Variants in GTSE1 observed in about 807,000 individuals in gnomAD.
The protein encoded by GTSE1 is G2 and S-phase expressed 1, also known as G2 and S phase-expressed protein 1.
In GTSE1, 52 loss-of-function variants were observed where a neutral mutation model predicts 60.5. The ratio of observed to expected loss-of-function variants is 0.86; its 90% confidence interval spans 0.69 to 1.08. GTSE1 has a LOEUF of 1.08. Among genes scored for constraint, GTSE1 ranks in the 50% least tolerant of loss-of-function variants. GTSE1 has a pLI of 0.00. For synonymous variants in GTSE1, 368 were observed against 386.5 expected (o/e 0.95, Z 0.56); for missense variants, 937 against 961.8 (o/e 0.97, Z 0.34).
chr22:46,313,404 G>A lies in GTSE1; in HGVS notation c.928-486G>A, dbSNP rs540777833. Reference sequence around the variant, plus strand: ...GCTCCCTAATGTGGTCCTCATGCAGGGGTTTGAAGACTACACTTTGAGAAG... The same window carrying A: ...GCTCCCTAATGTGGTCCTCATGCAGAGGTTTGAAGACTACACTTTGAGAAG... On this transcript the variant is annotated intron_variant, in intron 5 of 11. Transcript: ENST00000454366. This position sits in a 1 kb window ranked among gnomAD's most constrained non-coding sequence, Gnocchi z 4.4. 2.6e-5 allele frequency among the ~76,000 whole-genome samples: 4 copies of A among 152,210 alleles called. No individual in the cohort carries two copies. In the South Asian group the frequency reaches 8.3e-4, roughly 32 times the overall value.
At chr22:46,306,458 G>A (rs972473500) in intron 2 of GTSE1, among the ~76,000 whole-genome samples, 5 of 151,894 alleles carry the variant, frequency 3.3e-5, no homozygotes, top group African/African-American at 1.2e-4. Flanking sequence ...TGGGATTACA[G>A]GCGTGAGCCA....
intron 5 of GTSE1, 28 bp downstream of exon 5, chr22:46,312,333 G>T: frequency 6.3e-7 from 1 of 1,590,524 alleles, no homozygotes; most frequent in Non-Finnish European, 8.6e-7. Flanking sequence ...GCCCAAACTT[G>T]TGGTTGCTGG....
Position 46,318,721 on chromosome 22 carries a change from G to A in GTSE1, c.1432+2309G>A, listed in dbSNP as rs545494423. 6.6e-6 allele frequency among the ~76,000 whole-genome samples: 1 copy of A among 152,266 alleles called. No individual in the cohort carries two copies. Among genetic ancestry groups the A allele is most frequent in the East Asian group, 1.9e-4 (1 of 5,180 alleles). On this transcript the variant is annotated intron_variant, in intron 7 of 11. Coordinates refer to ENST00000454366, the MANE Select transcript of GTSE1 (RefSeq NM_016426.7). This position sits in a 1 kb window ranked among gnomAD's most constrained non-coding sequence, Gnocchi z 4.8. ...GAGGTCCTGGGGCAGGAAGGCGTGG[G>A]ACGTGCTCTGGGAGCAGCATGGGGG...
chr22:46,305,906 CA>C (rs1008141054), intron 2 of GTSE1, among the ~76,000 whole-genome samples: 16 of 145,952 alleles, frequency 1.1e-4, no homozygotes, highest in East Asian at 2.0e-4. Context: ...GACTCCATCT[CA>C]AAAAAAAAAG....
Position 46,313,795 on chromosome 22 carries a change from C to T in GTSE1, c.928-95C>T, listed in dbSNP as rs964838446. ...GTGCTGGGATTACAGGCGTGAGCCACCGTGCCCAGCCAAAAACCCCTTACT... is the reference window on the plus strand; with the variant it reads ...GTGCTGGGATTACAGGCGTGAGCCATCGTGCCCAGCCAAAAACCCCTTACT... On this transcript the variant is annotated intron_variant, in intron 5 of 11. Coordinates refer to ENST00000454366, the MANE Select transcript of GTSE1 (RefSeq NM_016426.7). The surrounding 1 kb of genome is among the most constrained non-coding windows in gnomAD (Gnocchi z 4.4). 42 of 1,413,786 alleles carry T rather than the reference C, an allele frequency of 3.0e-5. No individual in the cohort carries two copies. The African/African-American group carries it at 5.2e-4, about 18-fold the overall frequency. 87.6% of individuals were successfully genotyped at this position (1,413,786 alleles called of 1,614,324 possible). A position where few individuals can be genotyped will look rare whatever the true frequency, so the allele number is the denominator to read the frequency against.
rs1057388111 is a variant in GTSE1, at chr22:46,319,056, T to C, written c.1432+2644T>C. On this transcript the variant is annotated intron_variant, in intron 7 of 11. Transcript: ENST00000454366. This position sits in a 1 kb window ranked among gnomAD's most constrained non-coding sequence, Gnocchi z 5.0. ...GCACAGGATGCTAGGACACGTTGTC[T>C]TTATTCCGCACACAGCTGAAATTTC... Among the ~76,000 whole-genome samples the C allele has an allele frequency of 6.6e-6, 1 of 152,200 alleles. No individual in the cohort carries two copies. Among genetic ancestry groups the C allele is most frequent in the African/African-American group, 2.4e-5 (1 of 41,454 alleles).
chr22:46,298,340 C>T (rs535879925), intron 2 of GTSE1, among the ~76,000 whole-genome samples: 2 of 152,118 alleles, frequency 1.3e-5, no homozygotes, highest in South Asian at 4.2e-4. Context: ...CCAAGTCTCA[C>T]TCTGTCTCCC....
intron 2 of GTSE1, among the ~76,000 whole-genome samples, chr22:46,300,189 C>T (rs1601897647): frequency 6.6e-6 from 1 of 150,524 alleles, no homozygotes; most frequent in Non-Finnish European, 1.5e-5. Context: ...CCTCCGTCTC[C>T]TGGGTTCAAG....
chr22:46,312,832 G>C (rs903151372), intron 5 of GTSE1, among the ~76,000 whole-genome samples: 9 of 152,186 alleles, frequency 5.9e-5, no homozygotes, highest in African/African-American at 2.2e-4. Context: ...TTTCCCTCAT[G>C]TAGAGTTCTT....
Position 46,308,649 on chromosome 22 carries a change from A to C in GTSE1, c.468A>C (p.Lys156Asn). ...TTGAGAAAGAAAAGGAAATGAAGAA[A>C]AGCCCCACGTCTCTTAAAAGGGAGA... ...NLFEKEKEMK[K>N]SPTSLKRETY... Residue 156 changes from lysine to asparagine, a missense_variant, in exon 4 of 12, where the codon AAA becomes AAC. By Grantham distance (94) the Lys-to-Asn change is moderately conservative. Coordinates refer to ENST00000454366, the MANE Select transcript of GTSE1 (RefSeq NM_016426.7). 6.2e-7 allele frequency: 1 copy of C among 1,613,944 alleles called. No individual in the cohort carries two copies. The highest frequency in any genetic ancestry group is 8.5e-7 in the Non-Finnish European group (1 of 1,179,974).
chr22:46,330,219 C>T lies in GTSE1; in HGVS notation c.*89C>T, dbSNP rs756893878. The T allele has an allele frequency of 1.3e-6, 1 of 784,002 alleles. No homozygotes were observed. The highest frequency in any genetic ancestry group is 2.3e-6 in the Non-Finnish European group (1 of 439,174). 48.6% of individuals were successfully genotyped at this position (784,002 alleles called of 1,614,324 possible). A position where few individuals can be genotyped will look rare whatever the true frequency, so the allele number is the denominator to read the frequency against. ...GCTTTAGGCTGGTCGCAGTGGCTTA[C>T]ACTTGTAACCCTAGAACTTGGGAGG... On this transcript the variant is annotated 3_prime_UTR_variant, in exon 12 of 12. Transcript: ENST00000454366. The surrounding 1 kb of genome is among the most constrained non-coding windows in gnomAD (Gnocchi z 6.0).
rs373462000 is a variant in GTSE1 at position 46,329,352 on chromosome 22, A to G, written c.1927-6A>G. On this transcript the variant is annotated splice_region_variant and splice_polypyrimidine_tract_variant and intron_variant, in intron 10 of 11. Coordinates refer to ENST00000454366, the MANE Select transcript of GTSE1 (RefSeq NM_016426.7). This position sits in a 1 kb window ranked among gnomAD's most constrained non-coding sequence, Gnocchi z 6.4. ...ACTCTGCTCTTAACCTTGGTTTTGT[A>G]CCCAGGCTCTTCTTGTAGATATCAA... 105 of 1,610,932 alleles carry G rather than the reference A, an allele frequency of 6.5e-5. 1 individual carries two copies. In the African/African-American group the frequency reaches 1.3e-3, roughly 20 times the overall value.
In GTSE1 at chr22:46,320,579, G is replaced by A. The variant is rs1336840949; in HGVS notation, c.1433-2611G>A. On this transcript the variant is annotated intron_variant, in intron 7 of 11. Transcript: ENST00000454366. This position sits in a 1 kb window ranked among gnomAD's most constrained non-coding sequence, Gnocchi z 7.1. ...GGTGAGGGCTGAGGGCACTCACAGC[G>A]TGGGACCACATGAACGGTGCCCTGT... Among the ~76,000 whole-genome samples the A allele has an allele frequency of 6.6e-6, 1 of 152,272 alleles. No homozygotes were observed. Among genetic ancestry groups the A allele is most frequent in the Non-Finnish European group, 1.5e-5 (1 of 68,052 alleles).
At position 46,316,085 on chromosome 22, in the gene GTSE1, A is replaced by G; in HGVS notation, c.1105A>G (p.Asn369Asp). 1 of 1,544,134 alleles carries G rather than the reference A, an allele frequency of 6.5e-7. No homozygotes were observed. The highest frequency in any genetic ancestry group is 8.7e-7 in the Non-Finnish European group (1 of 1,143,436). ...TGCAAATAGCTCCCGGCCTCTGTCA[A>G]ACATCAGCAAGTCAGGCAGAATGGG... ...IPANSSRPLS[N>D]ISKSGRMGPA... The change falls in exon 7 of 12, where the codon AAC becomes GAC. Residue 369 changes from asparagine (N) to aspartate (D), a missense_variant. Transcript: ENST00000454366. This position sits in a 1 kb window ranked among gnomAD's most constrained non-coding sequence, Gnocchi z 5.0.
chr22:46,308,120 C>T (rs377166621), intron 2 of GTSE1, 30 bp from the exon 3 acceptor site: 104 of 1,515,316 alleles, frequency 6.9e-5, no homozygotes, highest in Admixed American at 5.9e-4. Flanking sequence ...AGCTGTGGCA[C>T]TAAAATAACA....
In GTSE1 at chr22:46,313,932, A is replaced by T. The variant is rs1173395963; in HGVS notation, c.970A>T (p.Ser324Cys). Residue 324 changes from serine (S) to cysteine (C), a missense_variant, in exon 6 of 12, where the codon AGC becomes TGC. Coordinates refer to ENST00000454366, the MANE Select transcript of GTSE1 (RefSeq NM_016426.7). The surrounding 1 kb of genome is among the most constrained non-coding windows in gnomAD (Gnocchi z 4.4). ...KTLLKAPGSTSNLARKSSSGP... is the reference protein window; with the variant it reads ...KTLLKAPGSTCNLARKSSSGP... ...CCTGTTAAAAGCACCCGGCTCTACC[A>T]GCAATCTCGCAAGGAAGTCCTCCTC... 1 of 1,614,220 alleles carries T rather than the reference A, an allele frequency of 6.2e-7. No individual in the cohort carries two copies. Among genetic ancestry groups the T allele is most frequent in the East Asian group, 2.2e-5 (1 of 44,892 alleles).
Position 46,307,891 on chromosome 22 carries a change from C to T in GTSE1, c.80-259C>T, listed in dbSNP as rs964994682. Among the ~76,000 whole-genome samples, 6 of 152,032 alleles carry T rather than the reference C, an allele frequency of 3.9e-5. 1 individual carries two copies. The South Asian group carries it at 1.0e-3, about 26-fold the overall frequency. ...CTTTGGGAGGCCACGCCAGGAGGAT[C>T]ACTTGAGGCCAGGAGTTCGAGACCA... is the stretch of plus-strand genomic sequence containing the variant. On this transcript the variant is annotated intron_variant, in intron 2 of 11. Transcript: ENST00000454366.
chr22:46,299,959 ATTT>A (rs130640), intron 2 of GTSE1, among the ~76,000 whole-genome samples: 17 of 100,218 alleles, frequency 1.7e-4, no homozygotes, highest in African/African-American at 5.5e-4. Flanking sequence ...CGCCCAGCTA[ATTT>A]TTTTTTTTTT....
At position 46,308,665 on chromosome 22, in the gene GTSE1, A is replaced by G; in HGVS notation, c.484A>G (p.Lys162Glu). The G allele has an allele frequency of 6.2e-7, 1 of 1,613,982 alleles. No individual in the cohort carries two copies. Among genetic ancestry groups the G allele is most frequent in the Non-Finnish European group, 8.5e-7 (1 of 1,179,982 alleles). ...KEMKKSPTSLKRETYYLSDSP... is the reference protein window; with the variant it reads ...KEMKKSPTSLERETYYLSDSP... ...AATGAAGAAAAGCCCCACGTCTCTT[A>G]AAAGGGAGACATACTACCTGTCAGA... Residue 162 changes from lysine (K) to glutamate (E), a missense_variant, in exon 4 of 12, where the codon AAA (lysine) becomes GAA (glutamate). By Grantham distance (56) the Lys-to-Glu change is moderately conservative (BLOSUM62 1). Coordinates refer to ENST00000454366, the MANE Select transcript of GTSE1 (RefSeq NM_016426.7).
Sources: allele counts gnomAD v4.1 joint callset (sites outside exome capture counted in the v4.1 genomes callset), GRCh38; gene constraint gnomAD v4.1.1; non-coding constraint Gnocchi (gnomAD v3.1); transcripts MANE v1.5; gene names NCBI Gene and HGNC (gene_info 2026-07-23, HGNC 2026-07-21).